The following YY1 variants were observed in gnomAD, a reference collection of about 807,000 sequenced individuals.
The protein encoded by YY1 is transcriptional repressor protein YY1.
A neutral mutation model predicts 35.6 loss-of-function variants in YY1; 2 were observed. The observed-to-expected ratio is 0.06, with a 90% confidence interval of 0.02 to 0.18. The LOEUF (loss-of-function observed/expected upper bound fraction) is 0.18. YY1 is among the 10% of genes least tolerant of loss of function. YY1 has a pLI of 1.00. For synonymous variants in YY1, 268 were observed against 238.9 expected (o/e 1.12, Z -1.12); for missense variants, 322 against 573.4 (o/e 0.56, Z 4.48).
rs1164483321 is a variant in YY1 at position 100,278,093 on chromosome 14, G to C, written c.*493G>C. On this transcript the variant is annotated 3_prime_UTR_variant, in exon 5 of 5. Coordinates refer to ENST00000262238, the MANE Select transcript of YY1 (RefSeq NM_003403.5). The stretch of plus-strand genomic sequence containing the variant: ...TGCTTGCAGTAGATTTTCTTTAAAA[G>C]AATGGGCAGTTACATGCATACTTCA... 1.3e-5 allele frequency: 2 copies of C among 157,458 alleles called. No individual in the cohort carries two copies. Among genetic ancestry groups the C allele is most frequent in the Non-Finnish European group, 2.8e-5 (2 of 71,308 alleles). 9.8% of individuals were successfully genotyped at this position (157,458 alleles called of 1,614,324 possible). A position where few individuals can be genotyped will look rare whatever the true frequency, so the allele number is the denominator to read the frequency against.
intron 1 of YY1, among the ~76,000 whole-genome samples, chr14:100,241,879 C>T (rs1340198266): frequency 2.0e-5 from 3 of 148,388 alleles, no homozygotes; most frequent in African/African-American, 7.4e-5. Flanking sequence ...GAGGCTGAGG[C>T]AGGAGAATCG....
chr14:100,243,766 A>C lies in YY1; in HGVS notation c.679+3843A>C, dbSNP rs141347494. Among the ~76,000 whole-genome samples the C allele has an allele frequency of 5.3e-5, 8 of 150,324 alleles. No homozygotes were observed. The East Asian group carries it at 1.6e-3, about 30-fold the overall frequency. On this transcript the variant is annotated intron_variant, in intron 1 of 4. Coordinates refer to ENST00000262238, the MANE Select transcript of YY1 (RefSeq NM_003403.5). ...GAGGCTGCAAGTCAGCGGTGATTAC[A>C]CCACTGTACTCCAGCCTAGGTGACA...
rs1469650613 is a variant in YY1, at chr14:100,277,630, G to A, written c.*30G>A. ...AAGAGAGAAGACCCTTCTCGACCACGGGAAGCATCTTCCAGAAGTGTGATT... is the reference window on the plus strand; with the variant it reads ...AAGAGAGAAGACCCTTCTCGACCACAGGAAGCATCTTCCAGAAGTGTGATT... On this transcript the variant is annotated 3_prime_UTR_variant, in exon 5 of 5. Transcript: ENST00000262238. This position sits in a 1 kb window ranked among gnomAD's most constrained non-coding sequence, Gnocchi z 5.6. 10 of 1,608,326 alleles carry A rather than the reference G, an allele frequency of 6.2e-6. No homozygotes were observed. The highest frequency in any genetic ancestry group is 1.1e-5 in the South Asian group (1 of 90,818).
intron 1 of YY1, among the ~76,000 whole-genome samples, chr14:100,243,435 T>C (rs1221371407): frequency 2.6e-5 from 4 of 152,164 alleles, no homozygotes; most frequent in African/African-American, 7.2e-5. Flanking sequence ...CTTATAAAAA[T>C]AGTTGTACAT....
At chr14:100,239,945 C>G (rs1350866972) in intron 1 of YY1, 22 bp downstream of exon 1, 3 of 1,512,518 alleles carry the variant, frequency 2.0e-6, no homozygotes, top group African/African-American at 2.9e-5. Context: ...CCGCGCGCCC[C>G]GGCCCCGGGA....
At position 100,277,315 on chromosome 14, in the gene YY1, T is replaced by C. The variant is rs1891336448; in HGVS notation, c.1063-103T>C. The C allele has an allele frequency of 1.4e-6, 2 of 1,394,812 alleles. No homozygotes were observed. Among genetic ancestry groups the C allele is most frequent in the South Asian group, 1.2e-5 (1 of 86,018 alleles). The allele number at this position is 1,394,812 out of a possible 1,614,324, so 86.4% of individuals were successfully genotyped here. A position where few individuals can be genotyped will look rare whatever the true frequency, so the allele number is the denominator to read the frequency against. ...ACCCAGGGCAGGAATGAAAAGTGTT[T>C]GGTAAAATAAATAGGCTGTTCTCTA... On this transcript the variant is annotated intron_variant, in intron 4 of 4. Transcript: ENST00000262238. The surrounding 1 kb of genome is among the most constrained non-coding windows in gnomAD (Gnocchi z 5.6).
At position 100,239,450 on chromosome 14, in the gene YY1, G is replaced by A. The variant is rs1890689324; in HGVS notation, c.206G>A (p.Gly69Asp). 1.3e-6 allele frequency: 2 copies of A among 1,595,104 alleles called. No individual in the cohort carries two copies. The highest frequency in any genetic ancestry group is 1.7e-5 in the Admixed American group (1 of 58,414). ...GGCGGGGGCGGCCACGGGCACGCCGGCCACCACCACCACCACCATCACCAC... is the reference window on the plus strand; with the variant it reads ...GGCGGGGGCGGCCACGGGCACGCCGACCACCACCACCACCACCATCACCAC... Reference protein sequence around the residue: ...HGGGGGHGHAGHHHHHHHHHH... With the variant: ...HGGGGGHGHADHHHHHHHHHH... The change falls in exon 1 of 5, where the codon GGC (glycine) becomes GAC (aspartate). Residue 69 changes from glycine to aspartate, a missense_variant. Gly to Asp is a moderately conservative substitution (Grantham distance 94). Around this residue, in one of 4 missense-constraint regions of YY1, gnomAD observed 137 missense variants for 167.0 expected, o/e 0.82. Coordinates refer to ENST00000262238, the MANE Select transcript of YY1 (RefSeq NM_003403.5).
rs1891410673 is a variant in YY1, at chr14:100,280,864, GT to G, written c.*3265del. ...CTTGCAAAACTTACTGTGGAGACGT[GT>G]CCCAGACTGGTCTCAGACCAGAGTT... On this transcript the variant is annotated 3_prime_UTR_variant, in exon 5 of 5. Coordinates refer to ENST00000262238, the MANE Select transcript of YY1 (RefSeq NM_003403.5). The G allele has an allele frequency of 6.6e-6, 1 of 151,910 alleles. No individual in the cohort carries two copies. The highest frequency in any genetic ancestry group is 2.4e-5 in the African/African-American group (1 of 41,340). The allele number at this position is 151,910 out of a possible 1,614,324, so 9.4% of individuals were successfully genotyped here.
intron 1 of YY1, among the ~76,000 whole-genome samples, chr14:100,258,614 A>G (rs995216955): frequency 6.6e-6 from 1 of 152,070 alleles, no homozygotes; most frequent in Non-Finnish European, 1.5e-5. Context: ...CGGCTTCCCA[A>G]AGTGCTGGGA....
intron 1 of YY1, among the ~76,000 whole-genome samples, chr14:100,260,783 T>C (rs1366972207): frequency 1.7e-4 from 8 of 48,420 alleles, no homozygotes; most frequent in African/African-American, 5.2e-4. Context: ...TTTTTTTTTT[T>C]TTTTTTTTTT....
In YY1 at chr14:100,277,376, C is replaced by CA. The variant is rs753549239; in HGVS notation, c.1063-41dup. The CA allele has an allele frequency of 3.0e-5, 49 of 1,612,966 alleles. No individual in the cohort carries two copies. The highest frequency in any genetic ancestry group is 3.9e-5 in the Non-Finnish European group (46 of 1,179,116). On this transcript the variant is annotated intron_variant, in intron 4 of 4. Transcript: ENST00000262238. The surrounding 1 kb of genome is among the most constrained non-coding windows in gnomAD (Gnocchi z 5.6). ...GAGCTCCTGACTCCCAGGGTCTGGTCAGAGTTGCTGAGTGGGTTGATCTCT... is the reference window on the plus strand; with the variant it reads ...GAGCTCCTGACTCCCAGGGTCTGGTCAAGAGTTGCTGAGTGGGTTGATCTCT...
In YY1 at chr14:100,258,773, T is replaced by C. The variant is rs574895004; in HGVS notation, c.680-3531T>C. Among the ~76,000 whole-genome samples, 282 of 152,384 alleles carry C rather than the reference T, an allele frequency of 1.9e-3. 3 individuals are homozygous for C. Among genetic ancestry groups the C allele is most frequent in the Middle Eastern group, 0.014 (4 of 294 alleles). ...AAATCTGTGATTCCTTGTAATGATG[T>C]ATAATTATATTTCCTAGAATGAAGA... On this transcript the variant is annotated intron_variant, in intron 1 of 4. Transcript: ENST00000262238.
chr14:100,260,427 A>ATG (rs1462286735), intron 1 of YY1, among the ~76,000 whole-genome samples: 2 of 48,510 alleles, frequency 4.1e-5, no homozygotes, highest in African/African-American at 2.5e-4. Context: ...ATATATGAAT[A>ATG]TATATATATA....
intron 1 of YY1, 140 bp from the exon 2 acceptor site, chr14:100,262,162 CAA>C (rs371942698): frequency 8.8e-3 from 6,332 of 718,988 alleles, no homozygotes; most frequent in Middle Eastern, 0.013. Flanking sequence ...GACCGTTCTC[CAA>C]AAAAAAAAAA....
chr14:100,265,935 C>G (rs1206640753), intron 2 of YY1, among the ~76,000 whole-genome samples: 1 of 152,194 alleles, frequency 6.6e-6, no homozygotes, highest in Non-Finnish European at 1.5e-5. Context: ...GTGTGAGCCA[C>G]CGTGCCTGGC....
chr14:100,252,406 CTT>C (rs1007401327), intron 1 of YY1, among the ~76,000 whole-genome samples: 3 of 152,260 alleles, frequency 2.0e-5, no homozygotes, highest in Admixed American at 6.5e-5. Context: ...GAAATAGAAA[CTT>C]TTAAATGTGA....
At chr14:100,253,600 T>C (rs1197797276) in intron 1 of YY1, among the ~76,000 whole-genome samples, 3 of 152,060 alleles carry the variant, frequency 2.0e-5, no homozygotes, top group African/African-American at 7.2e-5. Flanking sequence ...GTATTTTTAG[T>C]ATTGATGGAG....
In YY1 at chr14:100,277,090, C is replaced by CT. The variant is rs1205018236; in HGVS notation, c.1063-322dup. On this transcript the variant is annotated intron_variant, in intron 4 of 4. Coordinates refer to ENST00000262238, the MANE Select transcript of YY1 (RefSeq NM_003403.5). This position sits in a 1 kb window ranked among gnomAD's most constrained non-coding sequence, Gnocchi z 5.6. The stretch of plus-strand genomic sequence containing the variant: ...TGCAGCTAGTAAATCTAACGTGGTT[C>CT]TTTTTTGACAACTGACACCAGAACC... The CT allele has an allele frequency of 2.2e-6, 1 of 455,530 alleles. No individual in the cohort carries two copies. Among genetic ancestry groups the CT allele is most frequent in the Non-Finnish European group, 4.0e-6 (1 of 250,098 alleles). 28.2% of individuals were successfully genotyped at this position (455,530 alleles called of 1,614,324 possible).
At chr14:100,268,684 G>C (rs993523278) in intron 2 of YY1, among the ~76,000 whole-genome samples, 2 of 152,178 alleles carry the variant, frequency 1.3e-5, no homozygotes, top group African/African-American at 4.8e-5. Flanking sequence ...ATAATTCATT[G>C]AACAAACTTT....
Sources: allele counts gnomAD v4.1 joint callset (sites outside exome capture counted in the v4.1 genomes callset), GRCh38; gene constraint gnomAD v4.1.1; regional missense constraint gnomAD v4.1.1; non-coding constraint Gnocchi (gnomAD v3.1); transcripts MANE v1.5; gene names NCBI Gene and HGNC (gene_info 2026-07-23, HGNC 2026-07-21).